The following SMAP2 variants were observed in gnomAD, a reference collection of about 807,000 sequenced individuals.
SMAP2 encodes stromal membrane-associated protein 2.
In SMAP2, 25 loss-of-function variants were observed where a neutral mutation model predicts 56.4. The observed-to-expected ratio is 0.44, with a 90% CI of 0.32 to 0.62. SMAP2 has a LOEUF of 0.62. SMAP2 is among the 20% of genes least tolerant of loss of function. The pLI is 0.04. For synonymous variants in SMAP2, 157 were observed against 181.7 expected (o/e 0.86, Z 1.09); for missense variants, 388 against 545.6 (o/e 0.71, Z 2.88).
At chr1:40,375,780 G>A (rs932402828) in intron 1 of SMAP2, 81 of 984,000 alleles carry the variant, frequency 8.2e-5, no homozygotes, top group Non-Finnish European at 9.8e-5. Context: ...CCACTGGAGT[G>A]AGCATTGCTG....
chr1:40,389,756 G>T (rs114477636), intron 1 of SMAP2, among the ~76,000 whole-genome samples: 1,979 of 152,296 alleles, frequency 0.013, 49 homozygotes, highest in African/African-American at 0.046. Context: ...TAGCCCTTTT[G>T]TGGGATGGGA....
chr1:40,397,571 C>T (rs1644784490), intron 1 of SMAP2, among the ~76,000 whole-genome samples: 1 of 152,076 alleles, frequency 6.6e-6, no homozygotes, highest in African/African-American at 2.4e-5. Context: ...AAAATATATA[C>T]ATTTATGTTG....
upstream of SMAP2, among the ~76,000 whole-genome samples, chr1:40,369,518 T>C (rs1233337507): frequency 2.7e-5 from 4 of 150,604 alleles, no homozygotes; most frequent in East Asian, 3.9e-4. Context: ...TATAGATCAA[T>C]GGAACAGAAC....
At chr1:40,379,555 C>CTTTTTTTTT (rs35398664) in intron 1 of SMAP2, among the ~76,000 whole-genome samples, 1 of 78,124 alleles carries the variant, frequency 1.3e-5, no homozygotes, top group Non-Finnish European at 2.5e-5. Flanking sequence ...TGTTGTCTCT[C>CTTTTTTTTT]TTTTTTTTTT....
intron 1 of SMAP2, among the ~76,000 whole-genome samples, chr1:40,349,963 A>C (rs1385638167): frequency 5.9e-5 from 9 of 152,220 alleles, no homozygotes; most frequent in Admixed American, 5.9e-4. Context: ...GAAGGCAAGA[A>C]TCATCTCCCA....
At chr1:40,394,350 C>T (rs988187744) in intron 1 of SMAP2, among the ~76,000 whole-genome samples, 6 of 152,120 alleles carry the variant, frequency 3.9e-5, no homozygotes, top group African/African-American at 1.4e-4. Context: ...TGAAAACTTA[C>T]GGGGATCCAC....
chr1:40,392,687 AC>A (rs1303072434), intron 1 of SMAP2, among the ~76,000 whole-genome samples: 3 of 152,210 alleles, frequency 2.0e-5, no homozygotes, highest in Non-Finnish European at 4.4e-5. Context: ...CATTAAGGAC[AC>A]CCTTTTCCTT....
chr1:40,345,266 T>G (rs1278282458), intron 1 of SMAP2, among the ~76,000 whole-genome samples: 1 of 151,856 alleles, frequency 6.6e-6, no homozygotes, highest in Admixed American at 6.6e-5. Flanking sequence ...TATCTGGGCA[T>G]GGTGGCACAC....
chr1:40,398,409 T>A lies in SMAP2; in HGVS notation c.104-8327T>A, dbSNP rs567574036. Among the ~76,000 whole-genome samples, 125 of 127,448 alleles carry A rather than the reference T, an allele frequency of 9.8e-4. 1 individual carries two copies. Among genetic ancestry groups the A allele is most frequent in the African/African-American group, 1.6e-3 (60 of 37,034 alleles). The allele number at this position is 127,448 out of a possible 152,430, so 83.6% of individuals were successfully genotyped here. A position where few individuals can be genotyped will look rare whatever the true frequency, so the allele number is the denominator to read the frequency against. On this transcript the variant is annotated intron_variant, in intron 1 of 9. Coordinates refer to ENST00000372718, the MANE Select transcript of SMAP2 (RefSeq NM_022733.3). ...ACACCGAGCTCATTTATTCATATTT[T>A]AAAAAAAATGGAATTGTTTCATGTG...
rs1389259481 is a variant in SMAP2 at position 40,396,746 on chromosome 1, ACT to A, written c.104-9985_104-9984del. The A allele has an allele frequency of 2.0e-5, 13 of 657,096 alleles. No homozygotes were observed. The African/African-American group carries it at 2.6e-4, about 13-fold the overall frequency. The allele number at this position is 657,096 out of a possible 1,614,324, so 40.7% of individuals were successfully genotyped here. Reference sequence around the variant, plus strand: ...TATTTTGGAATAAGGAACTTGATGAACTCTCTTTTGTGTGGATGAAAACATAG... The same window carrying A: ...TATTTTGGAATAAGGAACTTGATGAACTCTTTTGTGTGGATGAAAACATAG... On this transcript the variant is annotated intron_variant, in intron 1 of 9. Transcript: ENST00000372718.
chr1:40,397,005 A>G (rs1644778565), intron 1 of SMAP2: 1 of 235,872 alleles, frequency 4.2e-6, no homozygotes, highest in Admixed American at 6.5e-5. Flanking sequence ...AATCTCTTAT[A>G]AAATCTGAGT....
intron 1 of SMAP2, among the ~76,000 whole-genome samples, chr1:40,388,130 T>TC (rs1473490829): frequency 6.6e-6 from 1 of 151,780 alleles, no homozygotes; most frequent in African/African-American, 2.4e-5. Context: ...TGCCTGAGCC[T>TC]CCCCCCACCT....
At chr1:40,351,567 C>T (rs1422744060) in intron 1 of SMAP2, among the ~76,000 whole-genome samples, 1 of 152,106 alleles carries the variant, frequency 6.6e-6, no homozygotes, top group Non-Finnish European at 1.5e-5. Context: ...TGCGATGGCA[C>T]GATCTTGGCT....
chr1:40,370,796 T>C (rs1644493083), upstream of SMAP2, among the ~76,000 whole-genome samples: 1 of 141,286 alleles, frequency 7.1e-6, no homozygotes, highest in African/African-American at 2.7e-5. Flanking sequence ...GCATGGCACA[T>C]GTATACATAT....
chr1:40,419,337 G>A (rs1645020499), intron 9 of SMAP2, among the ~76,000 whole-genome samples: 1 of 147,360 alleles, frequency 6.8e-6, no homozygotes, highest in Admixed American at 6.9e-5. Flanking sequence ...CTGGAATGCA[G>A]TGGCACAATC....
Position 40,398,874 on chromosome 1 carries a change from G to A in SMAP2, c.104-7862G>A, listed in dbSNP as rs915702867. Among the ~76,000 whole-genome samples, 8 of 152,182 alleles carry A rather than the reference G, an allele frequency of 5.3e-5. No individual in the cohort carries two copies. The South Asian group carries it at 1.2e-3, about 24-fold the overall frequency. On this transcript the variant is annotated intron_variant, in intron 1 of 9. Coordinates refer to ENST00000372718, the MANE Select transcript of SMAP2 (RefSeq NM_022733.3). Reference sequence around the variant, plus strand: ...TGTTCAAGGAACCATGCTATGCCGTGAGTATATGATAGTGAATGTTACAGG... The same window carrying A: ...TGTTCAAGGAACCATGCTATGCCGTAAGTATATGATAGTGAATGTTACAGG...
At chr1:40,415,130 C>A (rs958621282) in intron 6 of SMAP2, 142 bp from the exon 7 acceptor site, 2 of 644,318 alleles carry the variant, frequency 3.1e-6, no homozygotes, top group Non-Finnish European at 5.4e-6. Flanking sequence ...TTTTGAGAAG[C>A]CCCGTCCATG....
chr1:40,396,096 G>A (rs563119903), intron 1 of SMAP2, among the ~76,000 whole-genome samples: 1 of 152,272 alleles, frequency 6.6e-6, no homozygotes, highest in African/African-American at 2.4e-5. Context: ...TTTTGGTTGA[G>A]TATATAAGTG....
chr1:40,380,816 G>A (rs1181473655), intron 1 of SMAP2, among the ~76,000 whole-genome samples: 3 of 152,000 alleles, frequency 2.0e-5, no homozygotes, highest in South Asian at 4.2e-4. Context: ...GGTGTGAGCC[G>A]CCGCACCCAG....
Sources: gnomAD v4.1 joint callset for allele counts (sites outside exome capture counted in the v4.1 genomes callset) on GRCh38, gnomAD v4.1.1 for gene constraint, MANE v1.5 for transcripts, NCBI Gene and HGNC (gene_info 2026-07-23, HGNC 2026-07-21) for gene names.